The following TUSC3 variants were observed in gnomAD, a reference collection of about 807,000 sequenced individuals.
TUSC3 encodes dolichyl-diphosphooligosaccharide--protein glycosyltransferase subunit TUSC3.
TUSC3 carries 45 observed loss-of-function variants against 44.8 expected under a neutral mutation model. The observed-to-expected ratio is 1.00, with a 90% CI of 0.79 to 1.29. TUSC3 has a LOEUF of 1.29. Ranked by LOEUF, TUSC3 falls within the 50% of genes most tolerant of loss-of-function variation. The pLI is 0.00. For synonymous variants in TUSC3, 212 were observed against 152.9 expected (o/e 1.39, Z -2.85); for missense variants, 519 against 437.9 (o/e 1.19, Z -1.65).
chr8:15,522,509 C>T (rs1020408738), intron 2 of TUSC3, among the ~76,000 whole-genome samples: 70 of 151,150 alleles, frequency 4.6e-4, no homozygotes, highest in African/African-American at 1.6e-3. Flanking sequence ...CTGAGATCAC[C>T]GGTATGAGCC....
intron 1 of TUSC3, among the ~76,000 whole-genome samples, chr8:15,467,064 A>C (rs1800423982): frequency 6.6e-6 from 1 of 152,118 alleles, no homozygotes; most frequent in African/African-American, 2.4e-5. Context: ...ATAAGTGTAC[A>C]GTCTTCGCTT....
chr8:15,514,859 C>T (rs989145750), intron 2 of TUSC3, among the ~76,000 whole-genome samples: 1 of 152,094 alleles, frequency 6.6e-6, no homozygotes, highest in Non-Finnish European at 1.5e-5. Context: ...CTCTCTCAGC[C>T]TCAGATTCCT....
chr8:15,446,190 C>T (rs967575978), intron 1 of TUSC3, among the ~76,000 whole-genome samples: 90 of 151,462 alleles, frequency 5.9e-4, no homozygotes, highest in African/African-American at 2.1e-3. Flanking sequence ...CAGAGGCGCT[C>T]CCCACATCTC....
chr8:15,638,515 CTTTTTTTTT>C (rs547743726), intron 2 of TUSC3, among the ~76,000 whole-genome samples: 5 of 81,104 alleles, frequency 6.2e-5, no homozygotes, highest in African/African-American at 2.0e-4. Flanking sequence ...TTCTTTTTTT[CTTTTTTTTT>C]TTTTTTTTTT....
chr8:15,698,938 C>T (rs987190292), intron 6 of TUSC3, among the ~76,000 whole-genome samples: 3 of 151,746 alleles, frequency 2.0e-5, no homozygotes, highest in African/African-American at 7.3e-5. Context: ...CTTCAAAATC[C>T]TAGGCTCAAG....
chr8:15,457,304 C>G (rs934476248), intron 1 of TUSC3, among the ~76,000 whole-genome samples: 3 of 151,462 alleles, frequency 2.0e-5, no homozygotes, highest in Non-Finnish European at 4.4e-5. Flanking sequence ...TACCCTAGAA[C>G]TTAAAGTATA....
At chr8:15,684,144 C>G (rs1370660961) in intron 6 of TUSC3, among the ~76,000 whole-genome samples, 1 of 152,080 alleles carries the variant, frequency 6.6e-6, no homozygotes, top group East Asian at 1.9e-4. Flanking sequence ...TCTCTGGTTT[C>G]TGAGATTTGG....
intron 2 of TUSC3, among the ~76,000 whole-genome samples, chr8:15,496,419 G>C (rs1306296342): frequency 4.6e-5 from 7 of 152,130 alleles, no homozygotes; most frequent in Non-Finnish European, 8.8e-5. Context: ...CAATATTCTG[G>C]AATAGTGATC....
In TUSC3 at chr8:15,649,345, G is replaced by C. The variant is rs147122870; in HGVS notation, c.309-1352G>C. On this transcript the variant is annotated intron_variant, in intron 2 of 10. Transcript: ENST00000503731. ...CACGCCTGTAATCCCAGCACTTTGG[G>C]AGGCCGAGGCGGGCAGATCACGAGG... Among the ~76,000 whole-genome samples, 743 of 152,222 alleles carry C rather than the reference G, an allele frequency of 4.9e-3. 6 individuals carry two copies. Among genetic ancestry groups the C allele is most frequent in the African/African-American group, 0.017 (706 of 41,544 alleles).
chr8:15,817,259 C>A, the TUSC3 span, among the ~76,000 whole-genome samples: 9 of 152,022 alleles, frequency 5.9e-5, no homozygotes, highest in African/African-American at 1.9e-4. Context: ...TTAGGTTCTT[C>A]ATGGTATGTG....
chr8:15,630,322 T>A (rs1179320422), intron 2 of TUSC3, among the ~76,000 whole-genome samples: 1 of 152,186 alleles, frequency 6.6e-6, no homozygotes, highest in Non-Finnish European at 1.5e-5. Flanking sequence ...CAAAATACTT[T>A]GAGAAGAATA....
At chr8:15,823,740 G>A in the TUSC3 span, among the ~76,000 whole-genome samples, 1 of 152,138 alleles carries the variant, frequency 6.6e-6, no homozygotes, top group African/African-American at 2.4e-5. Flanking sequence ...TAAAATATCA[G>A]TGTTGAAATC....
At chr8:15,621,384 G>A (rs1563138223) in intron 1 of TUSC3, among the ~76,000 whole-genome samples, 1 of 150,992 alleles carries the variant, frequency 6.6e-6, no homozygotes, top group Non-Finnish European at 1.5e-5. Context: ...GAACAATTAG[G>A]AGAAGTCCTT....
rs1348073289 is a variant in TUSC3 at position 15,578,002 on chromosome 8, T to G, written c.138+37434T>G. Among the ~76,000 whole-genome samples the G allele has an allele frequency of 2.4e-3, 362 of 149,622 alleles. 3 individuals are homozygous for G. Among genetic ancestry groups the G allele is most frequent in the African/African-American group, 7.9e-3 (324 of 40,908 alleles). On this transcript the variant is annotated intron_variant, in intron 1 of 10. Transcript: ENST00000503731. ...TCTTTTATTTCCTTGAGCAGTGGTT[T>G]GTAGTTCTCCTTGAAGAGGTCCTTC... is the stretch of plus-strand genomic sequence containing the variant.
intron 1 of TUSC3, among the ~76,000 whole-genome samples, chr8:15,451,358 A>G (rs1454458042): frequency 6.6e-6 from 1 of 152,116 alleles, no homozygotes; most frequent in Admixed American, 6.5e-5. Context: ...CAACCAAGCA[A>G]TTAGAGAGTT....
At chr8:15,736,240 T>C (rs1207294601) in intron 7 of TUSC3, among the ~76,000 whole-genome samples, 1 of 152,140 alleles carries the variant, frequency 6.6e-6, no homozygotes, top group Non-Finnish European at 1.5e-5. Flanking sequence ...ACACAACAAA[T>C]GACAGTGCAA....
chr8:15,509,121 T>C (rs1801098573), intron 2 of TUSC3, among the ~76,000 whole-genome samples: 2 of 152,162 alleles, frequency 1.3e-5, no homozygotes, highest in South Asian at 4.2e-4. Context: ...TGAGGAACAG[T>C]AAGGACCCAA....
intron 3 of TUSC3, among the ~76,000 whole-genome samples, chr8:15,652,439 G>A (rs1269250144): frequency 6.6e-6 from 1 of 151,696 alleles, no homozygotes; most frequent in Non-Finnish European, 1.5e-5. Context: ...GCCTTTTTAG[G>A]ATATTTCTTT....
At position 15,595,175 on chromosome 8, in the gene TUSC3, A is replaced by C. The variant is rs1804012571; in HGVS notation, c.139-27905A>C. Among the ~76,000 whole-genome samples the C allele has an allele frequency of 3.9e-5, 6 of 152,264 alleles. 2 individuals are homozygous for C. The South Asian group carries it at 1.2e-3, about 32-fold the overall frequency. ...AAGCTGGGCTCTTAAGGCCGTTTGGAGAACTGTCCTGTAGTTCTCATTATA... is the reference window on the plus strand; with the variant it reads ...AAGCTGGGCTCTTAAGGCCGTTTGGCGAACTGTCCTGTAGTTCTCATTATA... On this transcript the variant is annotated intron_variant, in intron 1 of 10. Transcript: ENST00000503731.
Sources: allele counts gnomAD v4.1 joint callset (sites outside exome capture counted in the v4.1 genomes callset), GRCh38; gene constraint gnomAD v4.1.1; transcripts MANE v1.5; gene names NCBI Gene and HGNC (gene_info 2026-07-23, HGNC 2026-07-21).